Variants in BRIX1 observed in about 807,000 individuals in gnomAD.
The protein encoded by BRIX1 is biogenesis of ribosomes BRX1, also known as ribosome biogenesis protein BRX1 homolog.
BRIX1 carries 15 observed loss-of-function variants against 44.0 expected under a neutral mutation model. The ratio of observed to expected loss-of-function variants is 0.34; its 90% confidence interval spans 0.23 to 0.53. The LOEUF (loss-of-function observed/expected upper bound fraction) is 0.53. Ranked by LOEUF, BRIX1 falls within the 20% of genes least tolerant of loss-of-function variation. The pLI, the probability that BRIX1 is intolerant of heterozygous loss-of-function variation, is 0.95. For missense variants in BRIX1, 420 were observed against 432.8 expected (o/e 0.97, Z 0.26); for synonymous variants, 149 against 135.4 (o/e 1.10, Z -0.70).
At position 34,915,822 on chromosome 5, in the gene BRIX1, G is replaced by A; in HGVS notation, c.84G>A (p.Pro28=). Residue 28 remains proline, a synonymous_variant, in exon 1 of 10, where the codon CCG becomes CCA. Coordinates refer to ENST00000336767, the MANE Select transcript of BRIX1 (RefSeq NM_018321.4). ...AAAGAAACGAAATAGATGCGGAGCCGCCAGCTAAGCGGCACGCCACAGCAG... is the reference window on the plus strand; with the variant it reads ...AAAGAAACGAAATAGATGCGGAGCCACCAGCTAAGCGGCACGCCACAGCAG... The part of the protein sequence containing the change: ...KPKRNEIDAE[P]PAKRHATAEE... 6.3e-7 allele frequency: 1 copy of A among 1,575,094 alleles called. No individual in the cohort carries two copies. Among genetic ancestry groups the A allele is most frequent in the Non-Finnish European group, 8.6e-7 (1 of 1,160,368 alleles).
At chr5:34,918,262 C>G (rs1764161353) in intron 1 of BRIX1, 102 bp from the exon 2 acceptor site, 1 of 586,428 alleles carries the variant, frequency 1.7e-6, no homozygotes, top group African/African-American at 2.0e-5. Context: ...CTGCAGTGAG[C>G]CGTGAGCACT....
intron 1 of BRIX1, among the ~76,000 whole-genome samples, chr5:34,917,250 G>T (rs1033479869): frequency 6.6e-6 from 1 of 152,198 alleles, no homozygotes; most frequent in African/African-American, 2.4e-5. Flanking sequence ...TGATGTAGAC[G>T]TGAAAATCTA....
Position 34,925,560 on chromosome 5 carries a change from C to CTTTT in BRIX1, c.*66_*69dup. 3.7e-6 allele frequency: 5 copies of CTTTT among 1,359,028 alleles called. No individual in the cohort carries two copies. Among genetic ancestry groups the CTTTT allele is most frequent in the Non-Finnish European group, 5.0e-6 (5 of 996,504 alleles). The allele number at this position is 1,359,028 out of a possible 1,614,324, so 84.2% of individuals were successfully genotyped here. A position where few individuals can be genotyped will look rare whatever the true frequency, so the allele number is the denominator to read the frequency against. On this transcript the variant is annotated 3_prime_UTR_variant, in exon 10 of 10. Transcript: ENST00000336767. ...TTATTTTGTATTCAATGTGTAAATA[C>CTTTT]TTTTATTATCTAATACTATCTTACG... is the stretch of plus-strand genomic sequence containing the variant.
intron 2 of BRIX1, 87 bp downstream of exon 2, chr5:34,918,562 G>T: frequency 1.3e-6 from 1 of 741,864 alleles, no homozygotes; most frequent in South Asian, 2.8e-5. Context: ...TTCTTCATTT[G>T]TTCAGTGTTC....
At chr5:34,920,234 A>G (rs1454109780) in intron 3 of BRIX1, 2 of 156,522 alleles carry the variant, frequency 1.3e-5, no homozygotes, top group South Asian at 2.0e-4. Context: ...ATATATATAT[A>G]TAAAACCCAC....
At chr5:34,920,851 TA>T (rs1320971027) in intron 3 of BRIX1, 1 of 151,934 alleles carries the variant, frequency 6.6e-6, no homozygotes, top group African/African-American at 2.4e-5. Flanking sequence ...TTTAAGTTGT[TA>T]GGGTTTGTTT....
chr5:34,919,778 G>T, intron 2 of BRIX1, 62 bp from the exon 3 acceptor site: 2 of 542,782 alleles, frequency 3.7e-6, no homozygotes, highest in South Asian at 5.6e-5. Context: ...TATGTGGTTT[G>T]ATTGAAATAA....
At chr5:34,917,470 A>G (rs1003431751) in intron 1 of BRIX1, among the ~76,000 whole-genome samples, 4 of 151,684 alleles carry the variant, frequency 2.6e-5, no homozygotes, top group African/African-American at 9.7e-5. Context: ...CGTCTCTACT[A>G]ACACTACAAA....
chr5:34,916,783 G>C (rs770786738), intron 1 of BRIX1: 6 of 152,222 alleles, frequency 3.9e-5, no homozygotes, highest in Admixed American at 3.3e-4. Context: ...AAAGAAGTGA[G>C]CTCTGTGGAA....
intron 1 of BRIX1, among the ~76,000 whole-genome samples, chr5:34,917,374 C>T (rs2111969898): frequency 6.6e-6 from 1 of 152,240 alleles, no homozygotes; most frequent in African/African-American, 2.4e-5. Context: ...TGGCTCACGC[C>T]TGTAATCCCA....
chr5:34,922,775 T>C lies in BRIX1; in HGVS notation c.510+7T>C. 6.2e-7 allele frequency: 1 copy of C among 1,612,832 alleles called. No homozygotes were observed. ...CCTTTTGTCTTTTGACCCTGTAAGTTTCTCATTCAGTGTATGAGGTCTAAT... is the reference window on the plus strand; with the variant it reads ...CCTTTTGTCTTTTGACCCTGTAAGTCTCTCATTCAGTGTATGAGGTCTAAT... On this transcript the variant is annotated splice_region_variant and intron_variant, in intron 6 of 9. Transcript: ENST00000336767.
chr5:34,922,163 T>C, intron 3 of BRIX1, 54 bp from the exon 4 acceptor site: 1 of 1,011,012 alleles, frequency 9.9e-7, no homozygotes, highest in South Asian at 1.5e-5. Flanking sequence ...ATATAATTAC[T>C]TTAGTTCTCA....
chr5:34,916,037 GC>G, intron 1 of BRIX1, 140 bp downstream of exon 1: 1 of 967,864 alleles, frequency 1.0e-6, no homozygotes, highest in Non-Finnish European at 1.5e-6. Flanking sequence ...AATTCTCCCG[GC>G]CAGACTGGGC....
intron 3 of BRIX1, chr5:34,920,836 T>G (rs1020070141): frequency 1.3e-5 from 2 of 152,170 alleles, no homozygotes; most frequent in East Asian, 1.9e-4. Context: ...GTTTTGTTTT[T>G]TTTTTTTAAG....
At chr5:34,915,962 T>A in intron 1 of BRIX1, 65 bp downstream of exon 1, 1 of 1,465,946 alleles carries the variant, frequency 6.8e-7, no homozygotes, top group African/African-American at 1.4e-5. Context: ...CTTGGGTTAC[T>A]TACTTGACTA....
In BRIX1 at chr5:34,918,428, G is replaced by A; in HGVS notation, c.224G>A (p.Arg75Lys). The change falls in exon 2 of 10, where the codon AGA becomes AAA. Residue 75 changes from arginine to lysine, a missense_variant. Transcript: ENST00000336767. ...FSSRGINFRT[R>K]HLMQDLRMLM... ...TCCAGAGGAATAAATTTTAGAACAAGACATTTAATGCAGGACTTGAGAATG... is the reference window on the plus strand; with the variant it reads ...TCCAGAGGAATAAATTTTAGAACAAAACATTTAATGCAGGACTTGAGAATG... The A allele has an allele frequency of 6.2e-7, 1 of 1,610,470 alleles. No homozygotes were observed. The highest frequency in any genetic ancestry group is 1.7e-5 in the Admixed American group (1 of 59,798).
chr5:34,924,812 C>A, intron 8 of BRIX1, 35 bp from the exon 9 acceptor site: 1 of 1,526,532 alleles, frequency 6.6e-7, no homozygotes, highest in Non-Finnish European at 9.1e-7. Context: ...AATAACGTAA[C>A]CAAACCAAAA....
intron 3 of BRIX1, chr5:34,921,330 T>C (rs1764232360): frequency 6.6e-6 from 1 of 152,226 alleles, no homozygotes; most frequent in African/African-American, 2.4e-5. Flanking sequence ...CTTAGGCTTT[T>C]CACCCAATCC....
rs1339907599 is a variant in BRIX1, at chr5:34,922,747, G to T, written c.489G>T (p.Arg163=). 2 of 1,613,804 alleles carry T rather than the reference G, an allele frequency of 1.2e-6. No homozygotes were observed. The highest frequency in any genetic ancestry group is 1.7e-6 in the Non-Finnish European group (2 of 1,179,914). Residue 163 remains arginine (R), a synonymous_variant, in exon 6 of 10, where the codon CGG becomes CGT. Coordinates refer to ENST00000336767, the MANE Select transcript of BRIX1 (RefSeq NM_018321.4). ...CTGGAAACTGTTTGAAAGGTTCTCG[G>T]CCCCTTTTGTCTTTTGACCCTGTAA... The part of the protein sequence containing the change: ...KMTGNCLKGS[R]PLLSFDPAFD...
Sources: gnomAD v4.1 joint callset for allele counts (sites outside exome capture counted in the v4.1 genomes callset) on GRCh38, gnomAD v4.1.1 for gene constraint, MANE v1.5 for transcripts, NCBI Gene and HGNC (gene_info 2026-07-23, HGNC 2026-07-21) for gene names.